KATNAL1: variants seen among roughly 807,000 people sequenced by gnomAD.
KATNAL1 encodes the protein katanin p60 ATPase-containing subunit A-like 1.
KATNAL1 carries 32 observed loss-of-function variants against 55.2 expected under a neutral mutation model. The observed-to-expected ratio is 0.58, with a 90% confidence interval of 0.44 to 0.78. The LOEUF is 0.78. Ranked by LOEUF, KATNAL1 falls within the 30% of genes least tolerant of loss-of-function variation. The pLI, the probability that KATNAL1 is intolerant of heterozygous loss-of-function variation, is 0.00. For synonymous variants in KATNAL1, 193 were observed against 193.6 expected, an observed-to-expected ratio of 1.00 and a Z score of 0.02; for missense variants, 466 against 600.9, an observed-to-expected ratio of 0.78 and a Z score of 2.35.
At chr13:30,210,052 G>T (rs1430640245) in intron 10 of KATNAL1, among the ~76,000 whole-genome samples, 2 of 151,954 alleles carry the variant, frequency 1.3e-5, no homozygotes, top group Non-Finnish European at 2.9e-5. Context: ...AAAGTGCTGG[G>T]ATTAGAGGCG....
At chr13:30,227,015 G>A (rs1258157083) in intron 9 of KATNAL1, among the ~76,000 whole-genome samples, 2 of 152,158 alleles carry the variant, frequency 1.3e-5, no homozygotes, top group African/African-American at 4.8e-5. Context: ...GGTGGAGGTT[G>A]CAGTGACCTG....
intron 6 of KATNAL1, among the ~76,000 whole-genome samples, chr13:30,237,890 G>C (rs568387842): frequency 2.6e-5 from 4 of 152,262 alleles, no homozygotes; most frequent in Non-Finnish European, 4.4e-5. Flanking sequence ...CTTTGCCCCT[G>C]CCTTCTTGAC....
chr13:30,245,994 G>A (rs1326487865), intron 4 of KATNAL1, among the ~76,000 whole-genome samples: 2 of 152,136 alleles, frequency 1.3e-5, no homozygotes, highest in Admixed American at 1.3e-4. Context: ...CAGATTCAAT[G>A]CTATCCCCAT....
chr13:30,217,855 C>A (rs1874444632), intron 9 of KATNAL1, among the ~76,000 whole-genome samples: 1 of 152,170 alleles, frequency 6.6e-6, no homozygotes, highest in Non-Finnish European at 1.5e-5. Context: ...CCCCCACCAC[C>A]AGTCAGTCAA....
intron 6 of KATNAL1, among the ~76,000 whole-genome samples, chr13:30,234,237 C>CA (rs1373279391): frequency 1.3e-5 from 2 of 152,010 alleles, no homozygotes; most frequent in African/African-American, 2.4e-5. Context: ...AAAATTGAGA[C>CA]AAAAAAATTC....
chr13:30,269,949 A>G (rs1423914620), intron 3 of KATNAL1, among the ~76,000 whole-genome samples: 85 of 109,986 alleles, frequency 7.7e-4, no homozygotes, highest in South Asian at 1.6e-3. Flanking sequence ...GGTGAGGGGC[A>G]CCTCTGCCCG....
At chr13:30,284,665 T>C (rs537288937) in intron 1 of KATNAL1, among the ~76,000 whole-genome samples, 1 of 152,288 alleles carries the variant, frequency 6.6e-6, no homozygotes, top group East Asian at 1.9e-4. Flanking sequence ...GAACCCCAAT[T>C]TGTAATCTTC....
At chr13:30,259,131 G>C (rs2137471588) in intron 3 of KATNAL1, among the ~76,000 whole-genome samples, 1 of 152,288 alleles carries the variant, frequency 6.6e-6, no homozygotes, top group Middle Eastern at 3.4e-3. Flanking sequence ...CTACAGGTCA[G>C]GAGTTCCAGA....
intron 3 of KATNAL1, among the ~76,000 whole-genome samples, chr13:30,260,074 C>A (rs1339890383): frequency 6.6e-6 from 1 of 152,208 alleles, no homozygotes; most frequent in Admixed American, 6.5e-5. Flanking sequence ...CCCGACCCCC[C>A]AGCAGCCTAA....
intron 9 of KATNAL1, among the ~76,000 whole-genome samples, chr13:30,223,599 G>T (rs74043064): frequency 0.08 from 12,228 of 152,130 alleles, 505 homozygotes; most frequent in Admixed American, 0.092. Context: ...AAGTCAAAGT[G>T]TATTCTCAGA....
chr13:30,290,553 T>C (rs1882068346), intron 1 of KATNAL1, among the ~76,000 whole-genome samples: 2 of 152,196 alleles, frequency 1.3e-5, no homozygotes, highest in Admixed American at 6.5e-5. Flanking sequence ...TCTTTTTTTT[T>C]CCTTTTTTTG....
chr13:30,226,528 G>C (rs1188073294), intron 9 of KATNAL1, among the ~76,000 whole-genome samples: 1 of 152,124 alleles, frequency 6.6e-6, no homozygotes, highest in Non-Finnish European at 1.5e-5. Context: ...TTTAACAAGA[G>C]AAAGAACTAA....
intron 6 of KATNAL1, among the ~76,000 whole-genome samples, chr13:30,232,568 T>C (rs1876213050): frequency 6.6e-6 from 1 of 152,190 alleles, no homozygotes; most frequent in Non-Finnish European, 1.5e-5. Context: ...ATTGATGCTA[T>C]AGGCATAACC....
rs117926780 is a variant in KATNAL1, at chr13:30,305,685, A to T, written c.-15+1646T>A. On this transcript the variant is annotated intron_variant, in intron 1 of 10. Transcript: ENST00000380615. ...AAATACTCCTCACAGCACCTGACAT[A>T]TTCAATAAATGTTACTGTTATGTGA... Among the ~76,000 whole-genome samples the T allele has an allele frequency of 5.3e-4, 81 of 152,378 alleles. 1 individual carries two copies. In the East Asian group the frequency reaches 0.013, roughly 25 times the overall value.
intron 2 of KATNAL1, among the ~76,000 whole-genome samples, chr13:30,282,041 A>T (rs1046068616): frequency 6.6e-6 from 1 of 152,170 alleles, no homozygotes. Context: ...TTGTAAAAAA[A>T]AAAAAAATTC....
chr13:30,223,658 T>C (rs1875153631), intron 9 of KATNAL1, among the ~76,000 whole-genome samples: 1 of 151,936 alleles, frequency 6.6e-6, no homozygotes, highest in Non-Finnish European at 1.5e-5. Context: ...GATGTAACAA[T>C]GATAATTTAT....
chr13:30,228,379 G>C (rs1184934475), intron 8 of KATNAL1, among the ~76,000 whole-genome samples: 2 of 152,080 alleles, frequency 1.3e-5, no homozygotes, highest in African/African-American at 2.4e-5. Context: ...GAGTGCTCTG[G>C]CATGATCTCA....
Position 30,280,084 on chromosome 13 carries a change from G to T in KATNAL1, c.302C>A (p.Pro101His), listed in dbSNP as rs763541124. The T allele has an allele frequency of 6.2e-7, 1 of 1,611,926 alleles. No homozygotes were observed. Among genetic ancestry groups the T allele is most frequent in the Non-Finnish European group, 8.5e-7 (1 of 1,179,226 alleles). ...EPFRDPAVWP[P>H]PVPAEHRAPP... Reference sequence around the variant, plus strand: ...TTACCTGTGTTCTGCAGGAACAGGGGGTGGCCAAACAGCAGGATCTCTAAA... The same window carrying T: ...TTACCTGTGTTCTGCAGGAACAGGGTGTGGCCAAACAGCAGGATCTCTAAA... The change falls in exon 3 of 11, where the codon CCC becomes CAC. Residue 101 changes from proline to histidine, a missense_variant. By Grantham distance (77) the Pro-to-His change is moderately conservative. Around this residue, in one of 3 missense-constraint regions of KATNAL1, gnomAD observed 248 missense variants for 275.5 expected, o/e 0.90. Transcript: ENST00000380615.
chr13:30,274,891 A>ACGCGCGCGCGCGCGCGCG (rs138328965), intron 3 of KATNAL1, among the ~76,000 whole-genome samples: 3 of 122,130 alleles, frequency 2.5e-5, no homozygotes, highest in Non-Finnish European at 3.4e-5. Flanking sequence ...GCACACACAT[A>ACGCGCGCGCGCGCGCGCG]CGCGCGCGCG....
Sources: allele counts gnomAD v4.1 joint callset (sites outside exome capture counted in the v4.1 genomes callset), GRCh38; gene constraint gnomAD v4.1.1; regional missense constraint gnomAD v4.1.1; transcripts MANE v1.5; gene names NCBI Gene and HGNC (gene_info 2026-07-23, HGNC 2026-07-21).